CCSER1: variants seen among roughly 807,000 people sequenced by gnomAD.
CCSER1 encodes serine-rich coiled-coil domain-containing protein 1.
A neutral mutation model predicts 82.0 loss-of-function variants in CCSER1; 41 were observed. That is an observed-to-expected ratio of 0.50 (90% CI 0.39 to 0.65). CCSER1 has a LOEUF of 0.65. CCSER1 is among the 30% of genes least tolerant of loss of function. The pLI is 0.00. For missense variants in CCSER1, 1,119 were observed against 1,064.2 expected (o/e 1.05, Z -0.72); for synonymous variants, 414 against 383.9 (o/e 1.08, Z -0.92).
At chr4:91,393,328 CAA>C (rs1196515522) in intron 10 of CCSER1, among the ~76,000 whole-genome samples, 3 of 151,828 alleles carry the variant, frequency 2.0e-5, no homozygotes, top group Admixed American at 1.3e-4. Flanking sequence ...TTTTCCTGAA[CAA>C]AAAGAGTATT....
At chr4:91,493,457 T>A (rs1478770448) in intron 10 of CCSER1, among the ~76,000 whole-genome samples, 2 of 150,424 alleles carry the variant, frequency 1.3e-5, no homozygotes, top group Admixed American at 1.3e-4. Context: ...TGAAAAAAAA[T>A]ATGAAAGTAT....
At chr4:90,432,898 C>A (rs1249766495) in intron 4 of CCSER1, among the ~76,000 whole-genome samples, 1 of 152,074 alleles carries the variant, frequency 6.6e-6, no homozygotes, top group Non-Finnish European at 1.5e-5. Context: ...TGTTTTTCTG[C>A]CTTCCTCAAA....
At chr4:90,554,063 A>G (rs1339008229) in intron 5 of CCSER1, among the ~76,000 whole-genome samples, 1 of 152,182 alleles carries the variant, frequency 6.6e-6, no homozygotes, top group Non-Finnish European at 1.5e-5. Flanking sequence ...AGAGAACACC[A>G]TATAAATAAT....
At chr4:90,496,172 C>T (rs1441829217) in intron 5 of CCSER1, among the ~76,000 whole-genome samples, 2 of 152,088 alleles carry the variant, frequency 1.3e-5, no homozygotes, top group Admixed American at 1.3e-4. Context: ...GAAGTCACAA[C>T]AATTAAAGAA....
At chr4:90,438,958 A>AT (rs959132505) in intron 4 of CCSER1, among the ~76,000 whole-genome samples, 5 of 152,202 alleles carry the variant, frequency 3.3e-5, no homozygotes, top group African/African-American at 1.2e-4. Flanking sequence ...ACTATTTGTG[A>AT]TTTTTTAAAA....
rs563511560 is a variant in CCSER1, at chr4:91,090,998, C to A, written c.2217+5004C>A. 3.3e-4 allele frequency among the ~76,000 whole-genome samples: 51 copies of A among 152,244 alleles called. 2 individuals are homozygous for A. The South Asian group carries it at 0.01, about 30-fold the overall frequency. ...AGGGGCTTCCTTTCCCTTTTTGGAG[C>A]CAAACAGGATCTTCTTCATCCTTTT... On this transcript the variant is annotated intron_variant, in intron 10 of 10. Coordinates refer to ENST00000509176, the MANE Select transcript of CCSER1 (RefSeq NM_001145065.2).
At chr4:90,755,384 C>T (rs1749344505) in intron 7 of CCSER1, among the ~76,000 whole-genome samples, 1 of 152,186 alleles carries the variant, frequency 6.6e-6, no homozygotes, top group African/African-American at 2.4e-5. Context: ...TTATTCTCAT[C>T]TCTCTGTACC....
intron 8 of CCSER1, among the ~76,000 whole-genome samples, chr4:90,915,188 C>G (rs1421722299): frequency 6.6e-6 from 1 of 152,112 alleles, no homozygotes; most frequent in East Asian, 1.9e-4. Context: ...ATCCTGATAC[C>G]AAAGCCTGGC....
At chr4:90,261,656 T>C (rs1222430847) in intron 1 of CCSER1, among the ~76,000 whole-genome samples, 1 of 152,168 alleles carries the variant, frequency 6.6e-6, no homozygotes, top group Non-Finnish European at 1.5e-5. Flanking sequence ...TCTAGCAAGG[T>C]CAGGAAAGTT....
chr4:91,288,120 A>G (rs567980649), intron 10 of CCSER1, among the ~76,000 whole-genome samples: 3 of 58,882 alleles, frequency 5.1e-5, no homozygotes, highest in Admixed American at 4.5e-4. Flanking sequence ...ATATATATAT[A>G]CACACTCATG....
chr4:91,069,939 C>T (rs569990910), intron 9 of CCSER1, among the ~76,000 whole-genome samples: 1 of 151,494 alleles, frequency 6.6e-6, no homozygotes, highest in South Asian at 2.1e-4. Flanking sequence ...ATGTGTTGTT[C>T]TCAATTTATA....
intron 10 of CCSER1, among the ~76,000 whole-genome samples, chr4:91,255,726 G>C (rs1298741585): frequency 6.6e-6 from 1 of 152,114 alleles, no homozygotes; most frequent in South Asian, 2.1e-4. Flanking sequence ...TGTCTTTACT[G>C]CAATCTCTGA....
chr4:90,330,171 GTCTTTCT>G (rs1739022076), intron 3 of CCSER1, among the ~76,000 whole-genome samples: 1 of 152,082 alleles, frequency 6.6e-6, no homozygotes, highest in Admixed American at 6.6e-5. Context: ...TTTTGCACTT[GTCTTTCT>G]TCTTTCTTTA....
chr4:90,218,890 A>T (rs1741608498), intron 1 of CCSER1, among the ~76,000 whole-genome samples: 1 of 152,088 alleles, frequency 6.6e-6, no homozygotes, highest in Non-Finnish European at 1.5e-5. Flanking sequence ...ATGTCTATGG[A>T]GTAGGATGCC....
intron 1 of CCSER1, among the ~76,000 whole-genome samples, chr4:90,133,236 T>C (rs988338948): frequency 6.6e-6 from 1 of 152,250 alleles, no homozygotes; most frequent in African/African-American, 2.4e-5. Flanking sequence ...CAAAAGTTTT[T>C]CATCTTAACT....
chr4:90,717,963 T>C (rs1481076341), intron 6 of CCSER1, among the ~76,000 whole-genome samples: 1 of 152,004 alleles, frequency 6.6e-6, no homozygotes, highest in Non-Finnish European at 1.5e-5. Flanking sequence ...GTGTACTCAA[T>C]ACTTTTTGAA....
intron 5 of CCSER1, among the ~76,000 whole-genome samples, chr4:90,627,681 A>T (rs916613442): frequency 6.6e-6 from 1 of 152,070 alleles, no homozygotes; most frequent in Admixed American, 6.6e-5. Context: ...TGAAAATTTT[A>T]AAAAACTACT....
At chr4:90,579,882 T>TGGCTAA (rs1216388822) in intron 5 of CCSER1, among the ~76,000 whole-genome samples, 1 of 150,660 alleles carries the variant, frequency 6.6e-6, no homozygotes, top group African/African-American at 2.5e-5. Context: ...TTTTTAAAGA[T>TGGCTAA]GGCTAAAGTC....
chr4:90,399,277 A>G (rs1029338331), intron 3 of CCSER1, among the ~76,000 whole-genome samples: 7 of 152,066 alleles, frequency 4.6e-5, no homozygotes, highest in Admixed American at 4.6e-4. Flanking sequence ...CTTCTAGTTT[A>G]TTTTGCTATT....
Sources: gnomAD v4.1 joint callset for allele counts (sites outside exome capture counted in the v4.1 genomes callset) on GRCh38, gnomAD v4.1.1 for gene constraint, MANE v1.5 for transcripts, NCBI Gene and HGNC (gene_info 2026-07-23, HGNC 2026-07-21) for gene names.